Variants in DENND6B observed in about 807,000 individuals in gnomAD.
DENND6B encodes the protein DENN domain containing 6B.
In DENND6B, 73 loss-of-function variants were observed where a neutral mutation model predicts 85.1. The ratio of observed to expected loss-of-function variants is 0.86; its 90% confidence interval spans 0.71 to 1.04. DENND6B has a LOEUF of 1.04. Ranked by LOEUF, DENND6B falls within the 50% of genes least tolerant of loss-of-function variation. The pLI is 0.00. For missense variants in DENND6B, 715 were observed against 785.8 expected (o/e 0.91, Z 1.08); for synonymous variants, 357 against 329.3 (o/e 1.08, Z -0.91).
At position 50,311,933 on chromosome 22, in the gene DENND6B, T is replaced by A; in HGVS notation, c.*206A>T. On this transcript the variant is annotated 3_prime_UTR_variant, in exon 20 of 20. Transcript: ENST00000413817. The stretch of plus-strand genomic sequence containing the variant: ...ACCCAGGAGGAGGCAAGGCTCTGCC[T>A]GCGAGGAACCCCTATGGTCAAGGCC... The A allele has an allele frequency of 2.3e-6, 2 of 865,484 alleles. No individual in the cohort carries two copies. Among genetic ancestry groups the A allele is most frequent in the Non-Finnish European group, 3.4e-6 (2 of 584,212 alleles). 53.6% of individuals were successfully genotyped at this position (865,484 alleles called of 1,614,324 possible).
Position 50,312,615 on chromosome 22 carries a change from T to G in DENND6B, c.1468A>C (p.Lys490Gln). 6.4e-7 allele frequency: 1 copy of G among 1,574,674 alleles called. No individual in the cohort carries two copies. Among genetic ancestry groups the G allele is most frequent in the African/African-American group, 1.4e-5 (1 of 73,972 alleles). ...DWLGLYRRFFKSPHFDGWYRQ... is the reference protein window; with the variant it reads ...DWLGLYRRFFQSPHFDGWYRQ... Reference sequence around the variant, plus strand: ...TACCAGCCATCAAAATGGGGGGACTTGAAAAACCGCCTGTGGGGATTAACA... The same window carrying G: ...TACCAGCCATCAAAATGGGGGGACTGGAAAAACCGCCTGTGGGGATTAACA... The change falls in exon 18 of 20, where the codon AAG becomes CAG. Residue 490 changes from lysine to glutamine, a missense_variant. Physicochemically the swap from Lys to Gln is moderately conservative, Grantham distance 53. Transcript: ENST00000413817.
At chr22:50,316,792 G>A (rs2041836350) in intron 5 of DENND6B, 2 of 1,262,200 alleles carry the variant, frequency 1.6e-6, no homozygotes, top group African/African-American at 1.6e-5. Context: ...CTCTGCCTAT[G>A]GCTTCCAGGC....
At position 50,318,946 on chromosome 22, in the gene DENND6B, C is replaced by A; in HGVS notation, c.216+19G>T. On this transcript the variant is annotated intron_variant, in intron 2 of 19. Transcript: ENST00000413817. ...CCCACTCCTGGGTCCTGTCCATTCC[C>A]AAGAGGGCCGGGACTCACCTCCTTG... 1 of 1,608,918 alleles carries A rather than the reference C, an allele frequency of 6.2e-7. No individual in the cohort carries two copies. Among genetic ancestry groups the A allele is most frequent in the South Asian group, 1.1e-5 (1 of 90,170 alleles).
intron 3 of DENND6B, 33 bp downstream of exon 3, chr22:50,318,814 A>C: frequency 6.2e-7 from 1 of 1,611,632 alleles, no homozygotes; most frequent in Non-Finnish European, 8.5e-7. Flanking sequence ...AGCTGGCTTC[A>C]TGTCCAGCCC....
Position 50,313,857 on chromosome 22 carries a change from G to A in DENND6B, c.1160C>T (p.Ala387Val). The change falls in exon 14 of 20, where the codon GCC becomes GTC. Residue 387 changes from alanine (A) to valine (V), a missense_variant. Transcript: ENST00000413817. ...TKPGLYTAYTAHLHRDKALLK... is the reference protein window; with the variant it reads ...TKPGLYTAYTVHLHRDKALLK... ...CAGCGCCTTGTCGCGGTGGAGGTGGGCCGTGTAAGCGGTGTAGAGGCCTGG... is the reference window on the plus strand; with the variant it reads ...CAGCGCCTTGTCGCGGTGGAGGTGGACCGTGTAAGCGGTGTAGAGGCCTGG... The A allele has an allele frequency of 6.2e-7, 1 of 1,611,312 alleles. No homozygotes were observed. Among genetic ancestry groups the A allele is most frequent in the Non-Finnish European group, 8.5e-7 (1 of 1,179,588 alleles).
At position 50,318,869 on chromosome 22, in the gene DENND6B, C is replaced by T; in HGVS notation, c.237G>A (p.Leu79=). The T allele has an allele frequency of 6.2e-7, 1 of 1,613,374 alleles. No homozygotes were observed. Among genetic ancestry groups the T allele is most frequent in the South Asian group, 1.1e-5 (1 of 91,038 alleles). ...TACCTGAGTGCGAGTCGGGAAAAGA[C>T]AGGTAGCAGATGCTGCTTTTCTGAA... ...TDKEKSSICY[L]SFPDSHSGCL... The change falls in exon 3 of 20, where the codon CTG becomes CTA. Residue 79 remains leucine (L), a synonymous_variant. Coordinates refer to ENST00000413817, the MANE Select transcript of DENND6B (RefSeq NM_001001794.4).
intron 1 of DENND6B, among the ~76,000 whole-genome samples, chr22:50,319,913 G>C (rs1258222832): frequency 6.6e-6 from 1 of 152,264 alleles, no homozygotes; most frequent in East Asian, 1.9e-4. Flanking sequence ...TGAATGACTT[G>C]GAAGACAGGT....
rs202080552 is a variant in DENND6B, at chr22:50,314,831, G to A, written c.849C>T (p.Asp283=). 1.7e-3 allele frequency: 2,771 copies of A among 1,610,716 alleles called. 8 individuals carry two copies. Among genetic ancestry groups the A allele is most frequent in the South Asian group, 2.6e-3 (237 of 90,556 alleles). Residue 283 remains aspartate (D), a synonymous_variant, in exon 10 of 20, where the codon GAC becomes GAT. Transcript: ENST00000413817. ...AGGCCAGCACCATCTCCGAGGACAC[G>A]TCGGGCGAGGGTGCCAGGACTAGCA... ...EPLLVLAPSP[D]VSSEMVLALT...
In DENND6B at chr22:50,315,034, G is replaced by A. The variant is rs1030762528; in HGVS notation, c.759-113C>T. 33 of 1,438,826 alleles carry A rather than the reference G, an allele frequency of 2.3e-5. 1 individual carries two copies. The highest frequency in any genetic ancestry group is 4.7e-5 in the East Asian group (2 of 42,168). 89.1% of individuals were successfully genotyped at this position (1,438,826 alleles called of 1,614,324 possible). A position where few individuals can be genotyped will look rare whatever the true frequency, so the allele number is the denominator to read the frequency against. Reference sequence around the variant, plus strand: ...GCCCAGGCACTGGTGAACACAGCACGCTGCTCCAGGGTGAAGACAGATCTA... The same window carrying A: ...GCCCAGGCACTGGTGAACACAGCACACTGCTCCAGGGTGAAGACAGATCTA... On this transcript the variant is annotated intron_variant, in intron 9 of 19. Coordinates refer to ENST00000413817, the MANE Select transcript of DENND6B (RefSeq NM_001001794.4).
chr22:50,326,734 G>T, intron 1 of DENND6B, 78 bp downstream of exon 1: 1 of 1,228,888 alleles, frequency 8.1e-7, no homozygotes, highest in South Asian at 2.3e-5. Flanking sequence ...GGCGGCCGAG[G>T]GCCCCAAGCG....
At position 50,311,991 on chromosome 22, in the gene DENND6B, G is replaced by C. The variant is rs2068067360; in HGVS notation, c.*148C>G. 4 of 1,331,462 alleles carry C rather than the reference G, an allele frequency of 3.0e-6. No individual in the cohort carries two copies. The highest frequency in any genetic ancestry group is 4.0e-6 in the Non-Finnish European group (4 of 998,110). The allele number at this position is 1,331,462 out of a possible 1,614,324, so 82.5% of individuals were successfully genotyped here. A position where few individuals can be genotyped will look rare whatever the true frequency, so the allele number is the denominator to read the frequency against. ...GGTTCCAAATGTCGCCTTTACTGCT[G>C]AGACAATGGTGGTGCAGGAAGGGGA... On this transcript the variant is annotated 3_prime_UTR_variant, in exon 20 of 20. Transcript: ENST00000413817.
intron 1 of DENND6B, 48 bp downstream of exon 1, chr22:50,326,764 A>G: frequency 7.6e-7 from 1 of 1,315,340 alleles, no homozygotes; most frequent in Non-Finnish European, 9.7e-7. Flanking sequence ...TGGCCCCGAG[A>G]GGCGCAGCCC....
intron 1 of DENND6B, among the ~76,000 whole-genome samples, chr22:50,321,177 G>A (rs1340640021): frequency 6.6e-6 from 1 of 152,082 alleles, no homozygotes; most frequent in Non-Finnish European, 1.5e-5. Flanking sequence ...CGGTTCCCAA[G>A]GTATGGCCGG....
At chr22:50,315,104 C>A in intron 9 of DENND6B, 183 bp from the exon 10 acceptor site, 6 of 890,828 alleles carry the variant, frequency 6.7e-6, no homozygotes, top group Non-Finnish European at 1.0e-5. Flanking sequence ...CAAGCTGTGA[C>A]AATCCACCTG....
chr22:50,318,142 A>G, intron 3 of DENND6B, 122 bp from the exon 4 acceptor site: 1 of 930,954 alleles, frequency 1.1e-6, no homozygotes, highest in Middle Eastern at 3.1e-4. Context: ...TATACCCCAG[A>G]AACCAGCCTG....
rs776859293 is a variant in DENND6B at position 50,317,965 on chromosome 22, C to T, written c.315G>A (p.Arg105=). 2.5e-6 allele frequency: 4 copies of T among 1,612,240 alleles called. No individual in the cohort carries two copies. In the East Asian group the frequency reaches 8.9e-5, roughly 36 times the overall value. ...SFRMRQCGGQ[R]SPWHADDRHY... ...GCCTGTCGTCGGCATGCCAGGGGCT[C>T]CTCTGCCCTCCACACTGGCGCATGC... The change falls in exon 4 of 20, where the codon AGG becomes AGA. Residue 105 remains arginine, a synonymous_variant. Transcript: ENST00000413817.
chr22:50,312,381 C>T lies in DENND6B; in HGVS notation c.1597G>A (p.Glu533Lys), dbSNP rs1291412877. ...ETWMKDKSEV[E>K]VVDLVLKLRE... ...AGTTTCAGGACCAGGTCCACGACCT[C>T]CACCTCGGACTTGTCTTTCATCCAG... Residue 533 changes from glutamate (E) to lysine (K), a missense_variant, in exon 19 of 20, where the codon GAG (glutamate) becomes AAG (lysine). Coordinates refer to ENST00000413817, the MANE Select transcript of DENND6B (RefSeq NM_001001794.4). The T allele has an allele frequency of 1.9e-6, 3 of 1,611,804 alleles. No homozygotes were observed.
intron 4 of DENND6B, among the ~76,000 whole-genome samples, chr22:50,317,620 G>A (rs972029020): frequency 1.3e-5 from 2 of 152,250 alleles, no homozygotes; most frequent in African/African-American, 2.4e-5. Context: ...AGAGGGGCTC[G>A]GGGGGCTGGG....
chr22:50,326,527 G>C (rs1372453268), intron 1 of DENND6B, among the ~76,000 whole-genome samples: 1 of 152,254 alleles, frequency 6.6e-6, no homozygotes, highest in Non-Finnish European at 1.5e-5. Context: ...GTGGGGAATG[G>C]AGGGGGGAGA....
Sources: gnomAD v4.1 joint callset for allele counts (sites outside exome capture counted in the v4.1 genomes callset) on GRCh38, gnomAD v4.1.1 for gene constraint, MANE v1.5 for transcripts, NCBI Gene and HGNC (gene_info 2026-07-23, HGNC 2026-07-21) for gene names.